APP: variants seen among roughly 807,000 people sequenced by gnomAD.
APP encodes amyloid-beta precursor protein.
APP carries 31 observed loss-of-function variants against 101.4 expected under a neutral mutation model. That is an observed-to-expected ratio of 0.31 (90% CI 0.23 to 0.41). The LOEUF (loss-of-function observed/expected upper bound fraction) is 0.41. Ranked by LOEUF, APP falls within the 10% of genes least tolerant of loss-of-function variation. The pLI is 1.00. For synonymous variants in APP, 366 were observed against 364.4 expected (o/e 1.00, Z -0.05); for missense variants, 839 against 1,003.7 (o/e 0.84, Z 2.22).
At chr21:25,981,323 T>C (rs2042422383) in intron 9 of APP, among the ~76,000 whole-genome samples, 1 of 152,202 alleles carries the variant, frequency 6.6e-6, no homozygotes, top group Admixed American at 6.5e-5. Context: ...AGACAAAAAT[T>C]TCTCCTATCT....
chr21:26,095,707 T>C (rs1467498068), intron 2 of APP, among the ~76,000 whole-genome samples: 1 of 152,170 alleles, frequency 6.6e-6, no homozygotes, highest in Non-Finnish European at 1.5e-5. Context: ...TGTTTTAATA[T>C]TTTCTTTGCA....
chr21:25,993,821 G>C (rs1316010733), intron 8 of APP, among the ~76,000 whole-genome samples: 1 of 152,200 alleles, frequency 6.6e-6, no homozygotes, highest in Non-Finnish European at 1.5e-5. Flanking sequence ...ATCACAGCTG[G>C]AGTTGTGTTA....
chr21:26,049,062 G>T (rs541491665), intron 5 of APP, among the ~76,000 whole-genome samples: 1 of 152,198 alleles, frequency 6.6e-6, no homozygotes, highest in South Asian at 2.1e-4. Context: ...CTTTTCTACA[G>T]GTAGAATAAA....
At chr21:25,891,961 T>C in intron 16 of APP, 93 bp from the exon 17 acceptor site, 2 of 1,327,244 alleles carry the variant, frequency 1.5e-6, no homozygotes, top group Non-Finnish European at 2.1e-6. Context: ...ATTTCTTAAA[T>C]GCAGGGGACA....
intron 13 of APP, among the ~76,000 whole-genome samples, chr21:25,952,189 CAT>C (rs140120458): frequency 0.043 from 5,819 of 136,216 alleles, 171 homozygotes; most frequent in African/African-American, 0.081. Flanking sequence ...ATATTACATA[CAT>C]ACACACACAC....
chr21:25,927,426 C>T (rs966111187), intron 13 of APP, among the ~76,000 whole-genome samples: 2 of 152,150 alleles, frequency 1.3e-5, no homozygotes, highest in African/African-American at 4.8e-5. Flanking sequence ...CTGTATGACG[C>T]GGCCACATTT....
intron 1 of APP, among the ~76,000 whole-genome samples, chr21:26,153,401 T>A (rs959765927): frequency 3.3e-5 from 5 of 152,366 alleles, no homozygotes; most frequent in Admixed American, 6.5e-5. Context: ...TGGATTTTTT[T>A]AAGGTTAAAG....
At chr21:25,909,266 C>CAAAA (rs35504500) in intron 14 of APP, among the ~76,000 whole-genome samples, 19 of 76,190 alleles carry the variant, frequency 2.5e-4, no homozygotes, top group Admixed American at 6.7e-4. Context: ...GACTCCGTCT[C>CAAAA]AAAAAAAAAA....
chr21:25,943,659 G>A (rs2040678902), intron 13 of APP, among the ~76,000 whole-genome samples: 1 of 147,830 alleles, frequency 6.8e-6, no homozygotes, highest in Admixed American at 6.7e-5. Flanking sequence ...ATGTTGGCCA[G>A]GCTGGTCTCG....
chr21:26,116,229 A>G (rs961998114), intron 1 of APP, among the ~76,000 whole-genome samples: 1 of 152,234 alleles, frequency 6.6e-6, no homozygotes, highest in African/African-American at 2.4e-5. Context: ...GTACATATCA[A>G]ACTTAAAAAT....
At chr21:25,953,483 C>T (rs1045108641) in intron 13 of APP, among the ~76,000 whole-genome samples, 6 of 152,172 alleles carry the variant, frequency 3.9e-5, no homozygotes, top group South Asian at 4.1e-4. Context: ...ATGGGTACAT[C>T]CATCTACAAC....
intron 1 of APP, among the ~76,000 whole-genome samples, chr21:26,113,751 G>C (rs996426662): frequency 3.3e-5 from 5 of 152,168 alleles, no homozygotes; most frequent in Non-Finnish European, 7.4e-5. Context: ...AGGCTAAGTA[G>C]AATGCTCTAT....
intron 8 of APP, among the ~76,000 whole-genome samples, chr21:25,983,340 G>C (rs959120037): frequency 6.6e-6 from 1 of 152,150 alleles, no homozygotes; most frequent in Non-Finnish European, 1.5e-5. Flanking sequence ...AAAACAAAAT[G>C]AGACGTTTTC....
At chr21:25,985,920 A>C (rs990132910) in intron 8 of APP, among the ~76,000 whole-genome samples, 1 of 152,158 alleles carries the variant, frequency 6.6e-6, no homozygotes, top group African/African-American at 2.4e-5. Context: ...GCAGAGAAGG[A>C]TAGCATATGC....
In APP at chr21:26,062,091, T is replaced by C. The variant is rs1245962660; in HGVS notation, c.356-8743A>G. Reference sequence around the variant, plus strand: ...TGAGCATGTTGGCGCGCACCTATAGTCCCAGCTACTCGGGAGGCTGAGGCC... The same window carrying C: ...TGAGCATGTTGGCGCGCACCTATAGCCCCAGCTACTCGGGAGGCTGAGGCC... On this transcript the variant is annotated intron_variant, in intron 3 of 17. Transcript: ENST00000346798. Among the ~76,000 whole-genome samples the C allele has an allele frequency of 4.0e-5, 6 of 151,856 alleles. No individual in the cohort carries two copies. In the South Asian group the frequency reaches 6.3e-4, roughly 16 times the overall value.
At chr21:25,999,461 G>T (rs375679937) in intron 7 of APP, among the ~76,000 whole-genome samples, 5 of 152,042 alleles carry the variant, frequency 3.3e-5, no homozygotes, top group African/African-American at 1.2e-4. Flanking sequence ...TCTACCCTCC[G>T]GCATTTGAGA....
At chr21:26,003,230 C>A (rs772106004) in intron 6 of APP, among the ~76,000 whole-genome samples, 12 of 152,190 alleles carry the variant, frequency 7.9e-5, no homozygotes, top group Non-Finnish European at 1.8e-4. Context: ...ACTCAAAATC[C>A]ATTTACATGT....
chr21:26,122,564 A>G (rs935906202), intron 1 of APP, among the ~76,000 whole-genome samples: 3 of 152,014 alleles, frequency 2.0e-5, no homozygotes, highest in Non-Finnish European at 4.4e-5. Context: ...AGTTCAGAGC[A>G]TTTTTCAAGT....
intron 11 of APP, among the ~76,000 whole-genome samples, chr21:25,974,358 A>G (rs1170096065): frequency 2.0e-5 from 3 of 152,082 alleles, no homozygotes; most frequent in Admixed American, 6.5e-5. Context: ...CCCCCAATTC[A>G]TATGTTGAAA....
Sources: gnomAD v4.1 joint callset for allele counts (sites outside exome capture counted in the v4.1 genomes callset) on GRCh38, gnomAD v4.1.1 for gene constraint, MANE v1.5 for transcripts, NCBI Gene and HGNC (gene_info 2026-07-23, HGNC 2026-07-21) for gene names.